Variants in FGD4 observed in about 807,000 individuals in gnomAD.
The protein encoded by FGD4 is FYVE, RhoGEF and PH domain containing 4.
Under a neutral mutation model 102.0 loss-of-function variants are expected in FGD4, and 42 were observed. That is an observed-to-expected ratio of 0.41 (90% CI 0.32 to 0.53). The LOEUF (loss-of-function observed/expected upper bound fraction) is 0.53, where lower values mean the gene tolerates loss of function less well. FGD4 is among the 20% of genes least tolerant of loss of function. FGD4 has a pLI of 0.21. For missense variants in FGD4, 902 were observed against 1,078.2 expected (o/e 0.84, Z 2.29); for synonymous variants, 380 against 375.7 (o/e 1.01, Z -0.13).
At chr12:32,444,897 A>G (rs1942567256) in intron 1 of FGD4, among the ~76,000 whole-genome samples, 1 of 152,228 alleles carries the variant, frequency 6.6e-6, no homozygotes, top group Non-Finnish European at 1.5e-5. Flanking sequence ...TTGTGTAATG[A>G]ATATATTTGA....
At chr12:32,622,329 C>G (rs1469230270) in intron 11 of FGD4, among the ~76,000 whole-genome samples, 3 of 152,160 alleles carry the variant, frequency 2.0e-5, no homozygotes, top group African/African-American at 7.2e-5. Flanking sequence ...CTTAGTTTGC[C>G]TGAATGGATA....
intron 1 of FGD4, among the ~76,000 whole-genome samples, chr12:32,489,592 G>A (rs1423968072): frequency 6.6e-6 from 1 of 152,160 alleles, no homozygotes; most frequent in Admixed American, 6.5e-5. Context: ...TTTACAAGAG[G>A]AAAGTTTATG....
intron 1 of FGD4, among the ~76,000 whole-genome samples, chr12:32,513,337 T>G (rs1355288452): frequency 6.6e-6 from 1 of 152,112 alleles, no homozygotes; most frequent in Non-Finnish European, 1.5e-5. Context: ...TGGGATTAGG[T>G]GTAGGAGTGG....
intron 12 of FGD4, 120 bp downstream of exon 12, chr12:32,624,572 G>A: frequency 2.4e-6 from 2 of 829,540 alleles, no homozygotes; most frequent in Non-Finnish European, 4.0e-6. Context: ...CTGGGCTCAA[G>A]CAAGCCTTGC....
At chr12:32,594,215 G>A (rs2136550147) in intron 4 of FGD4, among the ~76,000 whole-genome samples, 1 of 152,268 alleles carries the variant, frequency 6.6e-6, no homozygotes, top group Middle Eastern at 3.4e-3. Flanking sequence ...TGTATTTACA[G>A]GCTTGCTCCC....
At chr12:32,480,605 A>T (rs1041436304) in intron 1 of FGD4, among the ~76,000 whole-genome samples, 24 of 150,990 alleles carry the variant, frequency 1.6e-4, no homozygotes, top group African/African-American at 5.9e-4. Flanking sequence ...GGTTGAAGTG[A>T]TTCTCCTGCC....
intron 1 of FGD4, chr12:32,534,471 A>G (rs923973164): frequency 9.2e-6 from 14 of 1,520,710 alleles, no homozygotes; most frequent in Admixed American, 6.3e-5. Flanking sequence ...AATTATCAGT[A>G]TATGTGAAAT....
At chr12:32,495,374 G>A (rs1291700819) in intron 1 of FGD4, among the ~76,000 whole-genome samples, 1 of 152,084 alleles carries the variant, frequency 6.6e-6, no homozygotes, top group East Asian at 1.9e-4. Context: ...AGAACCCAGG[G>A]CATTTATGAG....
chr12:32,638,546 T>C (rs1950979375), intron 15 of FGD4, 109 bp from the exon 16 acceptor site: 2 of 1,424,436 alleles, frequency 1.4e-6, no homozygotes, highest in African/African-American at 2.8e-5. Flanking sequence ...AAATGAATCT[T>C]TTTTGGATAG....
intron 1 of FGD4, among the ~76,000 whole-genome samples, chr12:32,431,555 G>C (rs1013125667): frequency 3.9e-5 from 6 of 152,062 alleles, no homozygotes; most frequent in Non-Finnish European, 8.8e-5. Flanking sequence ...AATAGTTTAT[G>C]TCTGCATGTT....
At chr12:32,525,910 C>G (rs189439887) in intron 1 of FGD4, among the ~76,000 whole-genome samples, 1,662 of 152,374 alleles carry the variant, frequency 0.011, 28 homozygotes, top group African/African-American at 0.037. Flanking sequence ...TGCCTTCCCA[C>G]GGGGCAGGGC....
intron 1 of FGD4, among the ~76,000 whole-genome samples, chr12:32,470,142 C>T (rs139427426): frequency 3.9e-5 from 6 of 152,146 alleles, no homozygotes; most frequent in Non-Finnish European, 7.4e-5. Flanking sequence ...TTATCCTGTG[C>T]GAATTAGAAT....
chr12:32,451,397 C>A (rs1942771021), intron 1 of FGD4, among the ~76,000 whole-genome samples: 1 of 152,104 alleles, frequency 6.6e-6, no homozygotes, highest in African/African-American at 2.4e-5. Context: ...GCTTAAAAGT[C>A]CCATGTGTCT....
In FGD4 at chr12:32,507,198, C is replaced by T. The variant is rs1463981659; in HGVS notation, c.167-56939C>T. Among the ~76,000 whole-genome samples, 6 of 150,874 alleles carry T rather than the reference C, an allele frequency of 4.0e-5. No homozygotes were observed. In the East Asian group the frequency reaches 7.8e-4, roughly 20 times the overall value. On this transcript the variant is annotated intron_variant, in intron 1 of 16. Coordinates refer to ENST00000534526, the MANE Select transcript of FGD4 (RefSeq NM_001370298.3). ...TGCGGTGTTTGGTTTTTTGTCCTTG[C>T]GATAGTTTACTGAGAATGATGATTT...
At chr12:32,541,120 ACTT>A (rs1193618612) in intron 1 of FGD4, among the ~76,000 whole-genome samples, 1 of 152,024 alleles carries the variant, frequency 6.6e-6, no homozygotes, top group Non-Finnish European at 1.5e-5. Context: ...TTTCTTCCTA[ACTT>A]CTTTCTTCTG....
intron 4 of FGD4, among the ~76,000 whole-genome samples, chr12:32,586,963 G>T (rs540046514): frequency 5.3e-4 from 81 of 152,252 alleles, no homozygotes; most frequent in South Asian, 4.8e-3. Context: ...GGCCAAGGTA[G>T]GGGGATCACC....
intron 1 of FGD4, among the ~76,000 whole-genome samples, chr12:32,526,612 A>C (rs565973722): frequency 1.3e-5 from 2 of 152,200 alleles, no homozygotes; most frequent in South Asian, 2.1e-4. Context: ...AGGCTGCCCG[A>C]GCCAGCATTG....
chr12:32,625,935 G>GA (rs1461097342), intron 14 of FGD4, among the ~76,000 whole-genome samples, 156 bp downstream of exon 14: 6 of 152,122 alleles, frequency 3.9e-5, no homozygotes, highest in African/African-American at 9.7e-5. Flanking sequence ...GAGCCCTGGA[G>GA]AAAAAACGTT....
Position 32,619,970 on chromosome 12 carries a change from C to CAT in FGD4, c.1922+103_1922+104dup, listed in dbSNP as rs1229329494. ...GAGGGTTTTTCTCAAGTGAATGCTG[C>CAT]ATATCTCTGGAACTCTGGTTGGATG... On this transcript the variant is annotated intron_variant, in intron 11 of 16. Transcript: ENST00000534526. 14 of 1,371,790 alleles carry CAT rather than the reference C, an allele frequency of 1.0e-5. No homozygotes were observed. In the East Asian group the frequency reaches 1.4e-4, roughly 14 times the overall value. The allele number at this position is 1,371,790 out of a possible 1,614,324, so 85.0% of individuals were successfully genotyped here.
Sources: allele counts gnomAD v4.1 joint callset (sites outside exome capture counted in the v4.1 genomes callset), GRCh38; gene constraint gnomAD v4.1.1; transcripts MANE v1.5; gene names NCBI Gene and HGNC (gene_info 2026-07-23, HGNC 2026-07-21).